Variants in DCC observed in about 807,000 individuals in gnomAD.
DCC encodes DCC netrin 1 receptor.
A neutral mutation model predicts 172.5 loss-of-function variants in DCC; 58 were observed. The observed-to-expected ratio is 0.34, with a 90% CI of 0.27 to 0.42. DCC has a LOEUF of 0.42. Among genes scored for constraint, DCC ranks in the 10% least tolerant of loss-of-function variants. The pLI, the probability that DCC is intolerant of heterozygous loss-of-function variation, is 1.00. For missense variants in DCC, 1,740 were observed against 1,791.0 expected, an observed-to-expected ratio of 0.97 and a Z score of 0.51; for synonymous variants, 709 against 644.5, an observed-to-expected ratio of 1.10 and a Z score of -1.52.
chr18:53,009,797 C>T lies in DCC; in HGVS notation c.986-53508C>T, dbSNP rs1297501654. 2.0e-5 allele frequency among the ~76,000 whole-genome samples: 3 copies of T among 151,910 alleles called. No individual in the cohort carries two copies. In the East Asian group the frequency reaches 5.8e-4, roughly 29 times the overall value. On this transcript the variant is annotated intron_variant, in intron 5 of 28. Transcript: ENST00000442544. ...GAACCAGATGCTCAGCATTAAAAGT[C>T]TAACTTTCCCATATGCTTCCCCTGC...
At chr18:52,943,093 GT>G (rs1353988319) in intron 5 of DCC, among the ~76,000 whole-genome samples, 1 of 151,978 alleles carries the variant, frequency 6.6e-6, no homozygotes, top group African/African-American at 2.4e-5. Context: ...TTTGATGTTT[GT>G]TTGTATCTTT....
At chr18:52,863,860 GGACCTTAAA>G (rs1348527782) in intron 2 of DCC, among the ~76,000 whole-genome samples, 2 of 151,904 alleles carry the variant, frequency 1.3e-5, no homozygotes, top group Admixed American at 1.3e-4. Flanking sequence ...GGACCTTAAA[GGACCTTAAA>G]GTTAGAAACA....
intron 20 of DCC, among the ~76,000 whole-genome samples, chr18:53,411,019 T>C (rs1170195038): frequency 6.6e-6 from 1 of 152,126 alleles, no homozygotes; most frequent in East Asian, 1.9e-4. Context: ...AGGTATTTTC[T>C]TTCAGGTACT....
At chr18:52,622,694 G>A (rs960337567) in intron 1 of DCC, among the ~76,000 whole-genome samples, 4 of 152,096 alleles carry the variant, frequency 2.6e-5, no homozygotes, top group Non-Finnish European at 5.9e-5. Context: ...CACTTATCCA[G>A]GTTTCAACTA....
chr18:52,970,319 A>G (rs1377746935), intron 5 of DCC, among the ~76,000 whole-genome samples: 4 of 152,116 alleles, frequency 2.6e-5, no homozygotes, highest in African/African-American at 7.2e-5. Flanking sequence ...GTCACATGTA[A>G]AGATAGTTCA....
chr18:52,763,922 A>C (rs73459736), intron 2 of DCC, among the ~76,000 whole-genome samples: 16,417 of 152,158 alleles, frequency 0.11, 2,957 homozygotes, highest in African/African-American at 0.37. Context: ...CCTGCATAAT[A>C]TTTCATGGTT....
intron 19 of DCC, among the ~76,000 whole-genome samples, chr18:53,408,454 G>A (rs1909798432): frequency 6.6e-6 from 1 of 152,170 alleles, no homozygotes; most frequent in Admixed American, 6.5e-5. Flanking sequence ...TCTCCATTGG[G>A]CAGACGTCTT....
intron 1 of DCC, among the ~76,000 whole-genome samples, chr18:52,382,886 A>G (rs953582566): frequency 6.6e-6 from 1 of 152,054 alleles, no homozygotes; most frequent in Non-Finnish European, 1.5e-5. Context: ...TACTTCTAAG[A>G]CTGTATTCTT....
At chr18:53,062,991 G>A (rs1050889122) in intron 5 of DCC, among the ~76,000 whole-genome samples, 4 of 151,646 alleles carry the variant, frequency 2.6e-5, no homozygotes, top group African/African-American at 9.7e-5. Flanking sequence ...ACTTTTCAGT[G>A]TGTAAGTCAA....
intron 5 of DCC, among the ~76,000 whole-genome samples, chr18:52,956,507 T>A (rs952299474): frequency 3.9e-5 from 6 of 152,128 alleles, no homozygotes; most frequent in African/African-American, 1.4e-4. Context: ...TTTATAGTAG[T>A]AAATCTTGAA....
intron 1 of DCC, among the ~76,000 whole-genome samples, chr18:52,366,371 G>T (rs528935589): frequency 6.6e-6 from 1 of 152,146 alleles, no homozygotes; most frequent in Non-Finnish European, 1.5e-5. Context: ...ACCCGAGCGG[G>T]TTGCCAATGC....
At chr18:53,112,962 A>T (rs2043354802) in intron 7 of DCC, among the ~76,000 whole-genome samples, 1 of 151,524 alleles carries the variant, frequency 6.6e-6, no homozygotes, top group South Asian at 2.1e-4. Context: ...AAATTCCCTA[A>T]AAACATCATC....
chr18:52,523,390 C>A (rs1598885846), intron 1 of DCC, among the ~76,000 whole-genome samples: 1 of 152,190 alleles, frequency 6.6e-6, no homozygotes, highest in Admixed American at 6.5e-5. Context: ...CCTCTCAGTC[C>A]CTTTCTATTT....
chr18:52,399,298 A>G (rs1228007367), intron 1 of DCC, among the ~76,000 whole-genome samples: 1 of 151,960 alleles, frequency 6.6e-6, no homozygotes, highest in Non-Finnish European at 1.5e-5. Context: ...TCCTAGCTCT[A>G]GTTGCCCCTA....
rs35238619 is a variant in DCC, at chr18:53,448,047, G to GTTTTTTTTTTT, written c.3230-2440_3230-2430dup. 1.8e-3 allele frequency among the ~76,000 whole-genome samples: 206 copies of GTTTTTTTTTTT among 113,696 alleles called. 5 individuals are homozygous for GTTTTTTTTTTT. Among genetic ancestry groups the GTTTTTTTTTTT allele is most frequent in the African/African-American group, 6.6e-3 (196 of 29,740 alleles). 74.6% of individuals were successfully genotyped at this position (113,696 alleles called of 152,430 possible). A position where few individuals can be genotyped will look rare whatever the true frequency, so the allele number is the denominator to read the frequency against. On this transcript the variant is annotated intron_variant, in intron 22 of 28. Transcript: ENST00000442544. ...CTATAATTTATTTAAATTTTGATGA[G>GTTTTTTTTTTT]TTTTTTTTTTTTTTTTTTTTTTTAC... is the stretch of plus-strand genomic sequence containing the variant.
At chr18:53,451,537 GT>G (rs773219372) in intron 23 of DCC, among the ~76,000 whole-genome samples, 6 of 152,100 alleles carry the variant, frequency 3.9e-5, no homozygotes, top group Non-Finnish European at 8.8e-5. Context: ...TCTTCCATGA[GT>G]TTTTGGTTCT....
At chr18:53,217,268 C>T (rs2055866608) in intron 12 of DCC, among the ~76,000 whole-genome samples, 1 of 54,244 alleles carries the variant, frequency 1.8e-5, no homozygotes, top group South Asian at 8.4e-4. Context: ...ATTATACACA[C>T]ACACACACAC....
intron 8 of DCC, 134 bp downstream of exon 8, chr18:53,157,646 T>G: frequency 3.5e-6 from 3 of 859,924 alleles, no homozygotes; most frequent in Non-Finnish European, 5.7e-6. Context: ...CCTTCACTCA[T>G]TCCCCAGTGG....
chr18:53,464,992 A>G (rs1404985394), intron 24 of DCC, among the ~76,000 whole-genome samples: 1 of 151,428 alleles, frequency 6.6e-6, no homozygotes, highest in Non-Finnish European at 1.5e-5. Context: ...AAAAAAAAAA[A>G]AAAAAAAAAG....
Sources: gnomAD v4.1 joint callset for allele counts (sites outside exome capture counted in the v4.1 genomes callset) on GRCh38, gnomAD v4.1.1 for gene constraint, MANE v1.5 for transcripts, NCBI Gene and HGNC (gene_info 2026-07-23, HGNC 2026-07-21) for gene names.